The following PCNP variants were observed in gnomAD, a reference collection of about 807,000 sequenced individuals.
The protein encoded by PCNP is PEST proteolytic signal-containing nuclear protein.
Under a neutral mutation model 21.8 loss-of-function variants are expected in PCNP, and 6 were observed. The ratio of observed to expected loss-of-function variants is 0.28; its 90% confidence interval spans 0.15 to 0.54. PCNP has a LOEUF of 0.54. PCNP is among the 20% of genes least tolerant of loss of function. The pLI is 0.95. For synonymous variants in PCNP, 67 were observed against 73.2 expected (o/e 0.92, Z 0.43); for missense variants, 161 against 215.5 (o/e 0.75, Z 1.58).
intron 2 of PCNP, among the ~76,000 whole-genome samples, chr3:101,582,681 C>G (rs1935287799): frequency 6.6e-6 from 1 of 152,112 alleles, no homozygotes; most frequent in East Asian, 1.9e-4. Context: ...CAAAAGAAAA[C>G]ACTGTAAAAA....
chr3:101,589,474 G>A lies in PCNP; in HGVS notation c.355-741G>A, dbSNP rs548189379. On this transcript the variant is annotated intron_variant, in intron 3 of 4. Coordinates refer to ENST00000265260, the MANE Select transcript of PCNP (RefSeq NM_020357.3). ...CACCCAGGCTGGAGTGCAGTGGCAC[G>A]ATCTCGGCTCACTGCAACCTTTGCC... Among the ~76,000 whole-genome samples the A allele has an allele frequency of 1.7e-4, 25 of 150,368 alleles. No individual in the cohort carries two copies. In the South Asian group the frequency reaches 4.0e-3, roughly 24 times the overall value.
chr3:101,590,306 C>A, intron 4 of PCNP, 36 bp downstream of exon 4: 2 of 1,092,884 alleles, frequency 1.8e-6, no homozygotes, highest in Non-Finnish European at 2.7e-6. Flanking sequence ...TAGAAAGATA[C>A]AAAGGTGAAT....
chr3:101,575,091 C>A (rs1282730642), intron 1 of PCNP, among the ~76,000 whole-genome samples: 1 of 152,142 alleles, frequency 6.6e-6, no homozygotes, highest in Non-Finnish European at 1.5e-5. Context: ...CATTCCACTC[C>A]CTAAATTCGG....
chr3:101,579,738 A>G (rs1181540330), intron 1 of PCNP, 52 bp from the exon 2 acceptor site: 3 of 1,270,510 alleles, frequency 2.4e-6, no homozygotes, highest in Non-Finnish European at 3.5e-6. Context: ...TGCTCCCATC[A>G]ATCTGCTCAG....
rs538513657 is a variant in PCNP at position 101,581,482 on chromosome 3, G to A, written c.279+1478G>A. Among the ~76,000 whole-genome samples, 13 of 151,922 alleles carry A rather than the reference G, an allele frequency of 8.6e-5. No individual in the cohort carries two copies. The South Asian group carries it at 2.7e-3, about 32-fold the overall frequency. On this transcript the variant is annotated intron_variant, in intron 2 of 4. Transcript: ENST00000265260. Reference sequence around the variant, plus strand: ...AGTCTCTCACTCTGTCATCCAAGCTGGAGTGCAATGGCACAATCTCGGCTC... The same window carrying A: ...AGTCTCTCACTCTGTCATCCAAGCTAGAGTGCAATGGCACAATCTCGGCTC...
chr3:101,576,221 T>G (rs2114304), intron 1 of PCNP, among the ~76,000 whole-genome samples: 19,314 of 145,376 alleles, frequency 0.13, 1,334 homozygotes, highest in Admixed American at 0.18. Flanking sequence ...AAGTATAAGT[T>G]TTTTTTTTTT....
chr3:101,575,539 C>T (rs1247868244), intron 1 of PCNP, among the ~76,000 whole-genome samples: 2 of 149,140 alleles, frequency 1.3e-5, no homozygotes, highest in African/African-American at 4.9e-5. Flanking sequence ...TTTAAACCAT[C>T]TACTACTTTC....
At chr3:101,577,026 C>T (rs1934951396) in intron 1 of PCNP, 2 of 781,642 alleles carry the variant, frequency 2.6e-6, no homozygotes, top group Admixed American at 3.5e-5. Flanking sequence ...GAGATTTCAC[C>T]ATGTTGGCTA....
Position 101,593,003 on chromosome 3 carries a change from A to T in PCNP, c.*250A>T, listed in dbSNP as rs1026204990. ...AGTTTCCAAAGGTTACAGATAATAA[A>T]GAAATCAGAAATGGTACCTTTTTAA... On this transcript the variant is annotated 3_prime_UTR_variant, in exon 5 of 5. Coordinates refer to ENST00000265260, the MANE Select transcript of PCNP (RefSeq NM_020357.3). The T allele has an allele frequency of 3.9e-6, 1 of 253,198 alleles. No homozygotes were observed. Among genetic ancestry groups the T allele is most frequent in the African/African-American group, 2.2e-5 (1 of 44,574 alleles). The allele number at this position is 253,198 out of a possible 1,614,324, so 15.7% of individuals were successfully genotyped here.
At chr3:101,591,418 ATC>A (rs1935797993) in intron 4 of PCNP, among the ~76,000 whole-genome samples, 1 of 152,224 alleles carries the variant, frequency 6.6e-6, no homozygotes, top group South Asian at 2.1e-4. Flanking sequence ...TAAGTGCTAA[ATC>A]TATACACAAG....
intron 2 of PCNP, among the ~76,000 whole-genome samples, chr3:101,584,295 CT>C (rs902060600): frequency 6.6e-6 from 1 of 152,102 alleles, no homozygotes; most frequent in Non-Finnish European, 1.5e-5. Flanking sequence ...TTCTGGTTGT[CT>C]GCTAATTTAA....
rs78707199 is a variant in PCNP at position 101,591,317 on chromosome 3, A to G, written c.410+1047A>G. Among the ~76,000 whole-genome samples, 204 of 152,306 alleles carry G rather than the reference A, an allele frequency of 1.3e-3. 2 individuals carry two copies. The highest frequency in any genetic ancestry group is 4.6e-3 in the African/African-American group (193 of 41,566). ...CTTAATACCACCTCAACCCCATACT[A>G]TGTCCCCATTTCTTCCAAATGTATG... On this transcript the variant is annotated intron_variant, in intron 4 of 4. Transcript: ENST00000265260.
At position 101,574,266 on chromosome 3, in the gene PCNP, T is replaced by A; in HGVS notation, c.51T>A (p.Ala17=). 1 of 1,538,900 alleles carries A rather than the reference T, an allele frequency of 6.5e-7. No homozygotes were observed. The highest frequency in any genetic ancestry group is 1.2e-5 in the South Asian group (1 of 82,932). ...GDEKPEKSQR[A]GAAGGPEEEA... is the part of the protein sequence containing the mutation. Reference sequence around the variant, plus strand: ...AGAAGCCTGAAAAGTCGCAGCGAGCTGGAGCCGCCGGAGGTGAACACAACC... The same window carrying A: ...AGAAGCCTGAAAAGTCGCAGCGAGCAGGAGCCGCCGGAGGTGAACACAACC... The change falls in exon 1 of 5, where the codon GCT becomes GCA. Residue 17 remains alanine, a synonymous_variant. Coordinates refer to ENST00000265260, the MANE Select transcript of PCNP (RefSeq NM_020357.3).
chr3:101,579,095 T>C lies in PCNP; in HGVS notation c.65-695T>C, dbSNP rs138374539. 2.6e-5 allele frequency among the ~76,000 whole-genome samples: 4 copies of C among 152,114 alleles called. No individual in the cohort carries two copies. In the East Asian group the frequency reaches 5.8e-4, roughly 22 times the overall value. ...TTTGAAATTATGATTAGCTCATCTT[T>C]CATGAAAAAAACTAACATATAAACC... is the stretch of plus-strand genomic sequence containing the variant. On this transcript the variant is annotated intron_variant, in intron 1 of 4. Coordinates refer to ENST00000265260, the MANE Select transcript of PCNP (RefSeq NM_020357.3).
At chr3:101,586,536 G>A (rs954249818) in intron 3 of PCNP, among the ~76,000 whole-genome samples, 16 of 76,892 alleles carry the variant, frequency 2.1e-4, no homozygotes, top group Admixed American at 1.3e-4. Context: ...GCATATGTGG[G>A]CGTATATTCG....
At chr3:101,576,623 C>T in intron 1 of PCNP, 1 of 1,611,528 alleles carries the variant, frequency 6.2e-7, no homozygotes, top group Non-Finnish European at 8.5e-7. Context: ...TCCAGGTCTT[C>T]ACGGAGCTTG....
rs1935948725 is a variant in PCNP at position 101,594,194 on chromosome 3, T to C, written c.*1441T>C. 1 of 152,562 alleles carries C rather than the reference T, an allele frequency of 6.6e-6. No individual in the cohort carries two copies. The highest frequency in any genetic ancestry group is 2.1e-4 in the South Asian group (1 of 4,830). The allele number at this position is 152,562 out of a possible 1,614,324, so 9.5% of individuals were successfully genotyped here. On this transcript the variant is annotated 3_prime_UTR_variant, in exon 5 of 5. Coordinates refer to ENST00000265260, the MANE Select transcript of PCNP (RefSeq NM_020357.3). ...TTTAGAATAAGCCCAAGTAAGACAATGGAAATGTATATAGAACTCTTAGTT... is the reference window on the plus strand; with the variant it reads ...TTTAGAATAAGCCCAAGTAAGACAACGGAAATGTATATAGAACTCTTAGTT...
At chr3:101,580,594 T>C (rs1165896331) in intron 2 of PCNP, among the ~76,000 whole-genome samples, 4 of 152,170 alleles carry the variant, frequency 2.6e-5, no homozygotes, top group Non-Finnish European at 5.9e-5. Flanking sequence ...TGATAAGATC[T>C]ACCTAATTAT....
intron 1 of PCNP, chr3:101,579,481 C>A: frequency 2.0e-6 from 1 of 491,956 alleles, no homozygotes; most frequent in Non-Finnish European, 3.9e-6. Flanking sequence ...AAAGCAAAAT[C>A]CCACAAATAA....
Sources: allele counts gnomAD v4.1 joint callset (sites outside exome capture counted in the v4.1 genomes callset), GRCh38; gene constraint gnomAD v4.1.1; transcripts MANE v1.5; gene names NCBI Gene and HGNC (gene_info 2026-07-23, HGNC 2026-07-21).